Variants in ASB3 observed in about 807,000 individuals in gnomAD.
ASB3 encodes the protein ankyrin repeat and SOCS box containing 3.
ASB3 carries 41 observed loss-of-function variants against 54.5 expected under a neutral mutation model. The observed-to-expected ratio is 0.75, with a 90% CI of 0.59 to 0.98. The LOEUF is 0.98. Among genes scored for constraint, ASB3 ranks in the 50% least tolerant of loss-of-function variants. The pLI is 0.00. For synonymous variants in ASB3, 266 were observed against 221.2 expected, an observed-to-expected ratio of 1.20 and a Z score of -1.80; for missense variants, 733 against 620.0, an observed-to-expected ratio of 1.18 and a Z score of -1.94.
intron 1 of ASB3, among the ~76,000 whole-genome samples, chr2:53,785,106 G>A (rs1316539160): frequency 6.6e-6 from 1 of 152,088 alleles, no homozygotes; most frequent in African/African-American, 2.4e-5. Context: ...AATTTGTCTG[G>A]CTCCCTTCTT....
chr2:53,785,489 A>G (rs907079464), intron 1 of ASB3, among the ~76,000 whole-genome samples: 6 of 152,200 alleles, frequency 3.9e-5, no homozygotes, highest in African/African-American at 1.4e-4. Context: ...ATTTGTTTGT[A>G]CAATCTCCCT....
chr2:53,744,381 T>G (rs1477519660), intron 3 of ASB3, among the ~76,000 whole-genome samples: 1 of 125,590 alleles, frequency 8.0e-6, no homozygotes, highest in African/African-American at 3.2e-5. Context: ...CGAGACTCTG[T>G]CTCAAAAAAA....
chr2:53,731,316 C>T (rs1422644004), intron 3 of ASB3, among the ~76,000 whole-genome samples: 3 of 152,118 alleles, frequency 2.0e-5, no homozygotes. Context: ...GCAGGAGAAT[C>T]GCTTAAACCT....
intron 2 of ASB3, among the ~76,000 whole-genome samples, chr2:53,756,291 C>A (rs2104033938): frequency 6.6e-6 from 1 of 152,324 alleles, no homozygotes; most frequent in East Asian, 1.9e-4. Context: ...AGAGACCCAT[C>A]ACTCAGATTT....
chr2:53,675,331 T>A (rs1334577666), intron 9 of ASB3, among the ~76,000 whole-genome samples: 1 of 152,176 alleles, frequency 6.6e-6, no homozygotes, highest in Non-Finnish European at 1.5e-5. Context: ...CAAACATTAT[T>A]TGTACTATAA....
At chr2:53,773,035 G>T (rs1674054553) in intron 1 of ASB3, among the ~76,000 whole-genome samples, 1 of 152,088 alleles carries the variant, frequency 6.6e-6, no homozygotes, top group African/African-American at 2.4e-5. Context: ...TTTAACTTTG[G>T]AAAGGACTTT....
chr2:53,745,338 G>C lies in ASB3; in HGVS notation c.355+5445C>G, dbSNP rs893049499. On this transcript the variant is annotated intron_variant, in intron 3 of 9. Transcript: ENST00000263634. Reference sequence around the variant, plus strand: ...TGTGTGCTAGCAAAAAGATGTTCTGGAAGGACAATATTCATGTAGAAAGAT... The same window carrying C: ...TGTGTGCTAGCAAAAAGATGTTCTGCAAGGACAATATTCATGTAGAAAGAT... Among the ~76,000 whole-genome samples, 2 of 152,170 alleles carry C rather than the reference G, an allele frequency of 1.3e-5. 1 individual carries two copies. Among genetic ancestry groups the C allele is most frequent in the South Asian group, 4.1e-4 (2 of 4,824 alleles).
chr2:53,773,718 C>T (rs568713979), intron 1 of ASB3, among the ~76,000 whole-genome samples: 3 of 151,862 alleles, frequency 2.0e-5, no homozygotes, highest in South Asian at 2.1e-4. Context: ...CGTGAGCCAC[C>T]GCTCCTGGCC....
intron 8 of ASB3, among the ~76,000 whole-genome samples, chr2:53,695,184 A>G (rs1669121267): frequency 6.6e-6 from 1 of 152,170 alleles, no homozygotes; most frequent in African/African-American, 2.4e-5. Context: ...TAACAATCTA[A>G]GCTCACCATC....
intron 5 of ASB3, among the ~76,000 whole-genome samples, chr2:53,726,492 C>T (rs967671776): frequency 1.3e-5 from 2 of 151,666 alleles, no homozygotes; most frequent in African/African-American, 4.8e-5. Context: ...AACTCCTGAG[C>T]TCAGGCAATC....
At position 53,767,647 on chromosome 2, in the gene ASB3, T is replaced by C. The variant is rs1022735591; in HGVS notation, c.-13-2062A>G. On this transcript the variant is annotated intron_variant, in intron 1 of 9. Coordinates refer to ENST00000263634, the MANE Select transcript of ASB3 (RefSeq NM_016115.5). The stretch of plus-strand genomic sequence containing the variant: ...TTTACGGATGCTGCAAAAGAATCCA[T>C]TGCTTACTACACCGAAGGTCAATGC... 37 of 526,224 alleles carry C rather than the reference T, an allele frequency of 7.0e-5. No individual in the cohort carries two copies. The South Asian group carries it at 7.2e-4, about 10-fold the overall frequency. 32.6% of individuals were successfully genotyped at this position (526,224 alleles called of 1,614,324 possible).
At chr2:53,770,721 A>G (rs1456855768) in intron 1 of ASB3, among the ~76,000 whole-genome samples, 1 of 152,244 alleles carries the variant, frequency 6.6e-6, no homozygotes, top group African/African-American at 2.4e-5. Flanking sequence ...GAAGCTTTCC[A>G]TAATATTGTT....
At chr2:53,772,657 T>A (rs1674024195) in intron 1 of ASB3, among the ~76,000 whole-genome samples, 1 of 152,158 alleles carries the variant, frequency 6.6e-6, no homozygotes, top group South Asian at 2.1e-4. Flanking sequence ...ATTCTTATTT[T>A]CTTTATTGCT....
chr2:53,768,069 T>C (rs757361617), intron 1 of ASB3: 2 of 1,600,756 alleles, frequency 1.2e-6, no homozygotes, highest in Non-Finnish European at 1.7e-6. Context: ...TGACCCCTGC[T>C]CCCCAACTCC....
rs1284384989 is a variant in ASB3 at position 53,674,849 on chromosome 2, G to GTAA, written c.1370-4160_1370-4159insTTA. 3.1e-4 allele frequency among the ~76,000 whole-genome samples: 47 copies of GTAA among 152,210 alleles called. No homozygotes were observed. The East Asian group carries it at 8.5e-3, about 28-fold the overall frequency. On this transcript the variant is annotated intron_variant, in intron 9 of 9. Transcript: ENST00000263634. ...AAAACCGCTAGAAAAAACACAAAAA[G>GTAA]CAAGTACCTGAGAACTCTGAAAAAC...
chr2:53,724,886 A>G (rs1264868980), intron 5 of ASB3, among the ~76,000 whole-genome samples: 3 of 152,206 alleles, frequency 2.0e-5, no homozygotes, highest in Non-Finnish European at 4.4e-5. Context: ...AAATTTCTCA[A>G]AGAACTTAAA....
At chr2:53,767,953 G>T (rs144785033) in intron 1 of ASB3, 2 of 1,613,990 alleles carry the variant, frequency 1.2e-6, no homozygotes, top group African/African-American at 2.7e-5. Flanking sequence ...CAAGCTGGTC[G>T]GATACATCAC....
chr2:53,677,660 G>C (rs1278078942), intron 9 of ASB3, among the ~76,000 whole-genome samples: 2 of 152,074 alleles, frequency 1.3e-5, no homozygotes, highest in African/African-American at 4.8e-5. Flanking sequence ...TTTGTCTTTT[G>C]CTATTGAATA....
chr2:53,753,451 G>C lies in ASB3; in HGVS notation c.197-2510C>G, dbSNP rs114458775. Among the ~76,000 whole-genome samples the C allele has an allele frequency of 9.3e-3, 1,420 of 152,254 alleles. 25 individuals carry two copies. Among genetic ancestry groups the C allele is most frequent in the African/African-American group, 0.032 (1,331 of 41,548 alleles). On this transcript the variant is annotated intron_variant, in intron 2 of 9. Coordinates refer to ENST00000263634, the MANE Select transcript of ASB3 (RefSeq NM_016115.5). ...ACCATGTGTTCTGGAGTAGAGTCCA[G>C]ACATCAGTATGAATTCATGTTTAGC... is the stretch of plus-strand genomic sequence containing the variant.
Sources: allele counts gnomAD v4.1 joint callset (sites outside exome capture counted in the v4.1 genomes callset), GRCh38; gene constraint gnomAD v4.1.1; transcripts MANE v1.5; gene names NCBI Gene and HGNC (gene_info 2026-07-23, HGNC 2026-07-21).